Variants in DLGAP2 observed in about 807,000 individuals in gnomAD.
The protein encoded by DLGAP2 is disks large-associated protein 2.
In DLGAP2, 26 loss-of-function variants were observed where a neutral mutation model predicts 100.3. The observed-to-expected ratio is 0.26, with a 90% CI of 0.19 to 0.36. DLGAP2 has a LOEUF of 0.36. Among genes scored for constraint, DLGAP2 ranks in the 10% least tolerant of loss-of-function variants. DLGAP2 has a pLI of 1.00. For missense variants in DLGAP2, 1,858 were observed against 1,453.2 expected, an observed-to-expected ratio of 1.28 and a Z score of -4.53; for synonymous variants, 886 against 630.1, an observed-to-expected ratio of 1.41 and a Z score of -6.08.
intron 2 of DLGAP2, among the ~76,000 whole-genome samples, chr8:1,121,401 C>G (rs73670648): frequency 0.036 from 5,419 of 151,872 alleles, 294 homozygotes; most frequent in African/African-American, 0.12. Context: ...CCTGACCACC[C>G]ATCCTCTTCC....
chr8:1,027,259 A>G (rs1056716734), intron 2 of DLGAP2, among the ~76,000 whole-genome samples: 39 of 152,268 alleles, frequency 2.6e-4, no homozygotes, highest in Non-Finnish European at 5.9e-5. Flanking sequence ...TCCAGCACAT[A>G]TTAGTTACAC....
At chr8:1,012,084 G>T (rs975509303) in intron 2 of DLGAP2, among the ~76,000 whole-genome samples, 2 of 152,132 alleles carry the variant, frequency 1.3e-5, no homozygotes, top group Admixed American at 6.5e-5. Context: ...GGCCCGTGTC[G>T]CAGGAAGACC....
chr8:996,186 G>T (rs1039445262), intron 2 of DLGAP2, among the ~76,000 whole-genome samples: 1 of 152,180 alleles, frequency 6.6e-6, no homozygotes, highest in Non-Finnish European at 1.5e-5. Context: ...CAGAAGGCAG[G>T]AACTCTCTGG....
intron 1 of DLGAP2, among the ~76,000 whole-genome samples, chr8:895,461 C>T (rs1034843227): frequency 4.6e-5 from 7 of 152,158 alleles, no homozygotes; most frequent in East Asian, 1.9e-4. Context: ...GGACGCTGCC[C>T]GTCCCCCCTT....
intron 2 of DLGAP2, among the ~76,000 whole-genome samples, chr8:947,640 C>G (rs1023586145): frequency 1.3e-5 from 2 of 152,196 alleles, no homozygotes; most frequent in African/African-American, 2.4e-5. Flanking sequence ...CACCTCCACG[C>G]GCGGCGCTGT....
At chr8:993,787 C>CTTTTTTTTTTTTTTTTTTTTTTTTTTTTT (rs534659471) in intron 2 of DLGAP2, among the ~76,000 whole-genome samples, 1 of 64,160 alleles carries the variant, frequency 1.6e-5, no homozygotes, top group Non-Finnish European at 2.7e-5. Context: ...AACTGATTGG[C>CTTTTTTTTTTTTTTTTTTTTTTTTTTTTT]TTTTTTTTTT....
chr8:1,160,014 C>T (rs1796859233), intron 2 of DLGAP2, among the ~76,000 whole-genome samples: 1 of 152,176 alleles, frequency 6.6e-6, no homozygotes, highest in South Asian at 2.1e-4. Context: ...GGCAGCACCA[C>T]CTGCACGCTG....
At chr8:1,051,278 TGGAGCA>T (rs1802702344) in intron 2 of DLGAP2, among the ~76,000 whole-genome samples, 1 of 152,094 alleles carries the variant, frequency 6.6e-6, no homozygotes, top group Non-Finnish European at 1.5e-5. Context: ...GCTCTCTGGA[TGGAGCA>T]TTTTTCAGCA....
rs112028327 is a variant in DLGAP2 at position 871,828 on chromosome 8, G to C, written c.19-36084G>C. 7.0e-3 allele frequency among the ~76,000 whole-genome samples: 1,065 copies of C among 152,302 alleles called. 18 individuals are homozygous for C. Among genetic ancestry groups the C allele is most frequent in the African/African-American group, 0.012 (516 of 41,578 alleles). On this transcript the variant is annotated intron_variant, in intron 1 of 14. Transcript: ENST00000637795. ...TCTGTTAAGGATGTGGCGTCTCACA[G>C]AGAAAGGTGGGCCCACCTACTTGTT...
intron 6 of DLGAP2, among the ~76,000 whole-genome samples, chr8:1,587,266 T>C (rs923881542): frequency 6.6e-6 from 1 of 152,224 alleles, no homozygotes; most frequent in African/African-American, 2.4e-5. Flanking sequence ...GAGATTTTTA[T>C]AGATTTGCTT....
intron 2 of DLGAP2, among the ~76,000 whole-genome samples, chr8:1,125,373 G>A (rs1011070665): frequency 6.6e-6 from 1 of 151,884 alleles, no homozygotes; most frequent in African/African-American, 2.4e-5. Flanking sequence ...TTTTTTTATG[G>A]AAAAAAATGA....
At chr8:1,269,542 G>T (rs571348761) in intron 3 of DLGAP2, among the ~76,000 whole-genome samples, 1 of 152,156 alleles carries the variant, frequency 6.6e-6, no homozygotes, top group Admixed American at 6.5e-5. Flanking sequence ...CTGAAACCCC[G>T]TATTATTGTG....
At chr8:1,640,658 G>C (rs1797875561) in intron 8 of DLGAP2, among the ~76,000 whole-genome samples, 1 of 152,074 alleles carries the variant, frequency 6.6e-6, no homozygotes. Flanking sequence ...CTGTGTCCCG[G>C]GTTCAGAGGC....
chr8:1,388,049 G>A (rs1231294148), intron 3 of DLGAP2, among the ~76,000 whole-genome samples: 3 of 152,254 alleles, frequency 2.0e-5, no homozygotes, highest in South Asian at 2.1e-4. Context: ...CAGTGCGTGC[G>A]GGCTGGGGCT....
chr8:856,345 C>G (rs191917902), intron 1 of DLGAP2, among the ~76,000 whole-genome samples: 15 of 151,976 alleles, frequency 9.9e-5, no homozygotes, highest in African/African-American at 1.9e-4. Flanking sequence ...CACACCACCA[C>G]GCCTGGCTAA....
intron 10 of DLGAP2, among the ~76,000 whole-genome samples, chr8:1,674,772 G>C (rs978875115): frequency 6.6e-6 from 1 of 152,136 alleles, no homozygotes; most frequent in East Asian, 1.9e-4. Context: ...CAGAAAACTA[G>C]AAATAACCAA....
At chr8:1,376,196 G>T (rs1452233284) in intron 3 of DLGAP2, among the ~76,000 whole-genome samples, 1 of 152,198 alleles carries the variant, frequency 6.6e-6, no homozygotes, top group Non-Finnish European at 1.5e-5. Context: ...TCAGAATGAG[G>T]CAGTAAACTC....
chr8:1,287,870 GT>G (rs1799975749), intron 3 of DLGAP2, among the ~76,000 whole-genome samples: 1 of 132,796 alleles, frequency 7.5e-6, no homozygotes, highest in African/African-American at 3.0e-5. Flanking sequence ...AGGGGAACTT[GT>G]TTTGGTTCAG....
intron 1 of DLGAP2, among the ~76,000 whole-genome samples, chr8:797,019 A>C (rs370368160): frequency 2.0e-5 from 3 of 152,362 alleles, no homozygotes; most frequent in African/African-American, 4.8e-5. Context: ...TTGTACTTAA[A>C]ATGTATTTCC....
Sources: allele counts gnomAD v4.1 joint callset (sites outside exome capture counted in the v4.1 genomes callset), GRCh38; gene constraint gnomAD v4.1.1; transcripts MANE v1.5; gene names NCBI Gene and HGNC (gene_info 2026-07-23, HGNC 2026-07-21).